Variants in INO80 observed in about 807,000 individuals in gnomAD.
INO80 encodes the protein chromatin-remodeling ATPase INO80.
Under a neutral mutation model 203.4 loss-of-function variants are expected in INO80, and 20 were observed. The observed-to-expected ratio is 0.10, with a 90% CI of 0.07 to 0.14. INO80 has a LOEUF of 0.14. Ranked by LOEUF, INO80 falls within the 10% of genes least tolerant of loss-of-function variation. INO80 has a pLI of 1.00. For synonymous variants in INO80, 726 were observed against 685.2 expected (o/e 1.06, Z -0.93); for missense variants, 1,419 against 1,914.4 (o/e 0.74, Z 4.83).
intron 1 of INO80, among the ~76,000 whole-genome samples, chr15:41,114,910 G>C (rs1187301656): frequency 6.6e-6 from 1 of 152,122 alleles, no homozygotes; most frequent in Non-Finnish European, 1.5e-5. Context: ...ATGGCTTCTA[G>C]AGATTCTCTT....
intron 1 of INO80, among the ~76,000 whole-genome samples, chr15:41,100,014 A>C (rs886216811): frequency 6.6e-6 from 1 of 152,186 alleles, no homozygotes; most frequent in Non-Finnish European, 1.5e-5. Flanking sequence ...TGATAAGGAA[A>C]ATGACACTAA....
intron 23 of INO80, 24 bp downstream of exon 23, chr15:41,047,384 T>C (rs2044787315): frequency 1.3e-6 from 2 of 1,522,650 alleles, no homozygotes; most frequent in South Asian, 2.3e-5. Flanking sequence ...TGGCCTCTTA[T>C]CAAGCAATAA....
intron 5 of INO80, among the ~76,000 whole-genome samples, chr15:41,091,706 G>A (rs1174680952): frequency 1.4e-5 from 2 of 141,354 alleles, no homozygotes; most frequent in Non-Finnish European, 3.0e-5. Flanking sequence ...CCAGGCTGGA[G>A]TGCAGTGCTG....
At chr15:41,031,215 T>C (rs1057500293) in intron 24 of INO80, among the ~76,000 whole-genome samples, 7 of 152,040 alleles carry the variant, frequency 4.6e-5, no homozygotes, top group African/African-American at 1.4e-4. Flanking sequence ...TATGTGAACC[T>C]TGGTACCACC....
rs759813875 is a variant in INO80 at position 41,021,067 on chromosome 15, C to T, written c.3107G>A (p.Arg1036Gln). The change falls in exon 26 of 36, where the codon CGA becomes CAA. Residue 1036 changes from arginine to glutamine, a missense_variant. Coordinates refer to ENST00000648947, the MANE Select transcript of INO80 (RefSeq NM_017553.3). Reference protein sequence around the residue: ...CNDRSAEYERRVLKEGGSLAA... With the variant: ...CNDRSAEYERQVLKEGGSLAA... Reference sequence around the variant, plus strand: ...CAGACTCCCTCCTTCCTTCAGAACTCGCCTTTCATATTCTGCACTTCGGTC... The same window carrying T: ...CAGACTCCCTCCTTCCTTCAGAACTTGCCTTTCATATTCTGCACTTCGGTC... The T allele has an allele frequency of 8.1e-6, 13 of 1,614,080 alleles. No homozygotes were observed. The highest frequency in any genetic ancestry group is 3.3e-5 in the Admixed American group (2 of 60,008).
chr15:40,984,235 T>A lies in INO80; in HGVS notation c.4039A>T (p.Ile1347Phe), dbSNP rs1893938605. ...NLSADGDDSF[I>F]SVDSAMPSPF... ...CTTGGCATGGCTGAGTCCACGCTAA[T>A]GAAGGAGTCATCTCCGTCAGCAGAG... The change falls in exon 33 of 36, where the codon ATT (isoleucine) becomes TTT (phenylalanine). Residue 1347 changes from isoleucine to phenylalanine, a missense_variant. Coordinates refer to ENST00000648947, the MANE Select transcript of INO80 (RefSeq NM_017553.3). The A allele has an allele frequency of 8.1e-6, 13 of 1,613,906 alleles. No homozygotes were observed. The highest frequency in any genetic ancestry group is 1.1e-5 in the Non-Finnish European group (13 of 1,179,906).
Position 40,997,599 on chromosome 15 carries a change from T to C in INO80, c.3500A>G (p.Asn1167Ser), listed in dbSNP as rs1327634342. 6.2e-7 allele frequency: 1 copy of C among 1,609,178 alleles called. No homozygotes were observed. Reference protein sequence around the residue: ...RDMVADFQNRNDIFVFLLSTR... With the variant: ...RDMVADFQNRSDIFVFLLSTR... ...GCTTAACAGGAACACAAAGATGTCA[T>C]TCCTGCAGAAAAGGGAGAGATATGT... The change falls in exon 29 of 36, where the codon AAT (asparagine) becomes AGT (serine). Residue 1167 changes from asparagine (N) to serine (S), a missense_variant and splice_region_variant. Physicochemically the swap from Asn to Ser is conservative, Grantham distance 46. Coordinates refer to ENST00000648947, the MANE Select transcript of INO80 (RefSeq NM_017553.3).
At chr15:41,115,896 TGTC>T in intron 1 of INO80, 74 bp downstream of exon 1, 1 of 376,598 alleles carries the variant, frequency 2.7e-6, no homozygotes, top group Non-Finnish European at 4.7e-6. Flanking sequence ...GCGGCCCAGT[TGTC>T]GCCCGCAGAG....
At chr15:40,996,129 T>C (rs367940439) in intron 29 of INO80, among the ~76,000 whole-genome samples, 3 of 152,028 alleles carry the variant, frequency 2.0e-5, no homozygotes, top group African/African-American at 4.8e-5. Context: ...CCTCATGAGT[T>C]TGCTTTCTCC....
At position 40,983,751 on chromosome 15, in the gene INO80, G is replaced by A. The variant is rs770011431; in HGVS notation, c.4237+11C>T. The A allele has an allele frequency of 4.3e-6, 7 of 1,611,798 alleles. No individual in the cohort carries two copies. In the South Asian group the frequency reaches 6.6e-5, roughly 15 times the overall value. ...GACCAGGCCCAAGCTGTACAAGACAGCAGCAATTACCATTCACGGTATCTG... is the reference window on the plus strand; with the variant it reads ...GACCAGGCCCAAGCTGTACAAGACAACAGCAATTACCATTCACGGTATCTG... On this transcript the variant is annotated intron_variant, in intron 34 of 35. Transcript: ENST00000648947.
chr15:41,074,897 A>T (rs1195870720), intron 9 of INO80, among the ~76,000 whole-genome samples: 1 of 152,124 alleles, frequency 6.6e-6, no homozygotes, highest in South Asian at 2.1e-4. Flanking sequence ...AGTGAGCACC[A>T]CTAAACTCGG....
intron 24 of INO80, among the ~76,000 whole-genome samples, chr15:41,030,511 G>T (rs918886557): frequency 6.6e-6 from 1 of 151,874 alleles, no homozygotes; most frequent in African/African-American, 2.4e-5. Context: ...CTACAGGTGC[G>T]CACCACCACG....
chr15:41,023,131 A>G, intron 25 of INO80: 1 of 360,142 alleles, frequency 2.8e-6, no homozygotes, highest in Non-Finnish European at 5.4e-6. Flanking sequence ...TAAAAAAAGA[A>G]GGAACTTGTT....
intron 1 of INO80, among the ~76,000 whole-genome samples, chr15:41,108,591 CAAAAAAAAA>C (rs61591905): frequency 3.4e-4 from 18 of 53,208 alleles, no homozygotes; most frequent in Non-Finnish European, 5.2e-4. Flanking sequence ...GACTCCGTCT[CAAAAAAAAA>C]AAAAAAAAAA....
chr15:41,087,452 G>A, intron 6 of INO80, 110 bp downstream of exon 6: 1 of 1,187,152 alleles, frequency 8.4e-7, no homozygotes, highest in East Asian at 2.4e-5. Context: ...TTCAGATAAA[G>A]CAAATTTCTA....
At chr15:41,007,362 T>C (rs970628056) in intron 27 of INO80, among the ~76,000 whole-genome samples, 1 of 151,846 alleles carries the variant, frequency 6.6e-6, no homozygotes, top group Non-Finnish European at 1.5e-5. Flanking sequence ...TTTCTATTTT[T>C]AGTAGAGATG....
In INO80 at chr15:41,054,001, G is replaced by A. The variant is rs746213303; in HGVS notation, c.2202C>T (p.Arg734=). The A allele has an allele frequency of 6.2e-7, 1 of 1,613,528 alleles. No homozygotes were observed. Among genetic ancestry groups the A allele is most frequent in the Admixed American group, 1.7e-5 (1 of 59,982 alleles). ...TAAATGGCTTCAAAATCATGTGTAA[G>A]CGAGAAAGTTGATCTGAAATGCCGG... is the stretch of plus-strand genomic sequence containing the variant. The part of the protein sequence containing the change: ...KSAIDENQLS[R]LHMILKPFML... Residue 734 remains arginine, a synonymous_variant, in exon 19 of 36, where the codon CGC becomes CGT. Transcript: ENST00000648947.
At chr15:40,983,313 C>A in intron 34 of INO80, 1 of 525,676 alleles carries the variant, frequency 1.9e-6, no homozygotes, top group Non-Finnish European at 3.4e-6. Context: ...TTCTGAAGAG[C>A]AGTTACATTA....
chr15:41,029,217 C>A (rs1005761117), intron 24 of INO80, among the ~76,000 whole-genome samples: 1 of 152,204 alleles, frequency 6.6e-6, no homozygotes, highest in Non-Finnish European at 1.5e-5. Context: ...AGTTATAATA[C>A]CAGTACCAAA....
Sources: gnomAD v4.1 joint callset for allele counts (sites outside exome capture counted in the v4.1 genomes callset) on GRCh38, gnomAD v4.1.1 for gene constraint, MANE v1.5 for transcripts, NCBI Gene and HGNC (gene_info 2026-07-23, HGNC 2026-07-21) for gene names.